ZYX: variants seen among roughly 807,000 people sequenced by gnomAD.
ZYX encodes the protein zyxin.
In ZYX, 37 loss-of-function variants were observed where a neutral mutation model predicts 58.1. The observed-to-expected ratio is 0.64, with a 90% CI of 0.49 to 0.84. The LOEUF is 0.84. Ranked by LOEUF, ZYX falls within the 40% of genes least tolerant of loss-of-function variation. The pLI is 0.00. For synonymous variants in ZYX, 324 were observed against 321.1 expected (o/e 1.01, Z -0.10); for missense variants, 762 against 761.6 (o/e 1.00, Z -0.01).
intron 5 of ZYX, among the ~76,000 whole-genome samples, chr7:143,386,746 T>C (rs6464548): frequency 0.75 from 113,244 of 151,912 alleles, 43,309 homozygotes; most frequent in East Asian, 0.96. Flanking sequence ...TCTGGGTTCA[T>C]GTAGTAGGTG....
At chr7:143,383,356 A>G in intron 5 of ZYX, 34 bp downstream of exon 5, 4 of 1,558,180 alleles carry the variant, frequency 2.6e-6, no homozygotes, top group Non-Finnish European at 3.5e-6. Context: ...GCTTGGTACC[A>G]GGGCACTGGG....
chr7:143,387,879 C>T lies in ZYX; in HGVS notation c.1024-340C>T. 1 of 497,468 alleles carries T rather than the reference C, an allele frequency of 2.0e-6. No homozygotes were observed. The highest frequency in any genetic ancestry group is 4.0e-6 in the Non-Finnish European group (1 of 249,338). 30.8% of individuals were successfully genotyped at this position (497,468 alleles called of 1,614,324 possible). On this transcript the variant is annotated intron_variant, in intron 5 of 9. Transcript: ENST00000322764. The surrounding 1 kb of genome is among the most constrained non-coding windows in gnomAD (Gnocchi z 5.8). ...ATGCTCTGTGGAGTTGATGCGTGGC[C>T]CTGGAGTGTCCGGTGCTTCAGTGAC... is the stretch of plus-strand genomic sequence containing the variant.
intron 2 of ZYX, 75 bp from the exon 3 acceptor site, chr7:143,382,173 A>C: frequency 7.2e-6 from 9 of 1,258,426 alleles, no homozygotes; most frequent in Non-Finnish European, 9.0e-6. Flanking sequence ...GTTAGGGGTT[A>C]GAGCGGTTAA....
rs1563111651 is a variant in ZYX, at chr7:143,389,902, T to G, written c.1539T>G (p.Pro513=). 1 of 1,614,200 alleles carries G rather than the reference T, an allele frequency of 6.2e-7. No individual in the cohort carries two copies. Among genetic ancestry groups the G allele is most frequent in the African/African-American group, 1.3e-5 (1 of 75,068 alleles). Residue 513 remains proline, a synonymous_variant, in exon 9 of 10, where the codon CCT becomes CCG. Coordinates refer to ENST00000322764, the MANE Select transcript of ZYX (RefSeq NM_003461.5). This position sits in a 1 kb window ranked among gnomAD's most constrained non-coding sequence, Gnocchi z 5.6. ...CCGTCTGCTCTGAGCCCATCATGCC[T>G]GAGCCTGGCCGAGATGAGACTGTGC... ...RCSVCSEPIM[P]EPGRDETVRV... is the part of the protein sequence containing the mutation.
In ZYX at chr7:143,390,650, C is replaced by T. The variant is rs771090391; in HGVS notation, c.1687C>T (p.Arg563Trp). The T allele has an allele frequency of 2.5e-5, 39 of 1,587,300 alleles. No individual in the cohort carries two copies. Among genetic ancestry groups the T allele is most frequent in the Non-Finnish European group, 3.1e-5 (36 of 1,166,862 alleles). Residue 563 changes from arginine (R) to tryptophan (W), a missense_variant, in exon 10 of 10, where the codon CGG becomes TGG. Arg to Trp is a moderately radical substitution (Grantham distance 101). Coordinates refer to ENST00000322764, the MANE Select transcript of ZYX (RefSeq NM_003461.5). This position sits in a 1 kb window ranked among gnomAD's most constrained non-coding sequence, Gnocchi z 4.3. ...CCCCCTGGACGGTCACGTGCTCTGT[C>T]GGAAGTGCCACACTGCTAGAGCCCA... ...CFPLDGHVLCRKCHTARAQT is the reference protein window; with the variant it reads ...CFPLDGHVLCWKCHTARAQT
In ZYX at chr7:143,390,648, GT is replaced by G; in HGVS notation, c.1686del (p.Arg563GlyfsTer12). On this transcript the variant is annotated frameshift_variant, in exon 10 of 10. Coordinates refer to ENST00000322764, the MANE Select transcript of ZYX (RefSeq NM_003461.5). LOFTEE classifies it high-confidence loss of function. The surrounding 1 kb of genome is among the most constrained non-coding windows in gnomAD (Gnocchi z 4.3). ...GCFPLDGHVLCRKCHTARAQT is the reference protein window; with the variant it reads ...GCFPLDGHVLXRKCHTARAQT ...TTCCCCCTGGACGGTCACGTGCTCT[GT>G]CGGAAGTGCCACACTGCTAGAGCCC... 1 of 1,587,858 alleles carries G rather than the reference GT, an allele frequency of 6.3e-7. No homozygotes were observed. Among genetic ancestry groups the G allele is most frequent in the East Asian group, 2.3e-5 (1 of 43,972 alleles).
rs140225548 is a variant in ZYX, at chr7:143,383,265, G to T, written c.966G>T (p.Lys322Asn). Residue 322 changes from lysine to asparagine, a missense_variant, in exon 5 of 10, where the codon AAG (lysine) becomes AAT (asparagine). Coordinates refer to ENST00000322764, the MANE Select transcript of ZYX (RefSeq NM_003461.5). ...PSFTYAQQREKPRVQEKQHPV... is the reference protein window; with the variant it reads ...PSFTYAQQRENPRVQEKQHPV... ...TCACCTATGCCCAGCAGAGGGAGAA[G>T]CCCCGAGTGCAGGAGAAGCAGCACC... The T allele has an allele frequency of 5.2e-4, 841 of 1,613,760 alleles. 5 individuals carry two copies. In the African/African-American group the frequency reaches 9.4e-3, roughly 18 times the overall value.
In ZYX at chr7:143,382,438, C is replaced by T. The variant is rs779629406; in HGVS notation, c.399C>T (p.Pro133=). The T allele has an allele frequency of 3.2e-5, 51 of 1,593,224 alleles. No homozygotes were observed. The highest frequency in any genetic ancestry group is 3.8e-5 in the Non-Finnish European group (45 of 1,170,988). The change falls in exon 3 of 10, where the codon CCC becomes CCT. Residue 133 remains proline, a synonymous_variant. Coordinates refer to ENST00000322764, the MANE Select transcript of ZYX (RefSeq NM_003461.5). The part of the protein sequence containing the change: ...EEGGPEAPIP[P]PPQPREKVSS... Reference sequence around the variant, plus strand: ...GAGGGCCTGAGGCCCCCATACCGCCCCCACCACAGGTACGGAGGCCTGGGA... The same window carrying T: ...GAGGGCCTGAGGCCCCCATACCGCCTCCACCACAGGTACGGAGGCCTGGGA...
rs536417193 is a variant in ZYX at position 143,384,105 on chromosome 7, C to G, written c.1023+783C>G. 6.7e-6 allele frequency: 3 copies of G among 448,444 alleles called. No individual in the cohort carries two copies. The highest frequency in any genetic ancestry group is 5.3e-5 in the Admixed American group (2 of 38,050). 27.8% of individuals were successfully genotyped at this position (448,444 alleles called of 1,614,324 possible). A position where few individuals can be genotyped will look rare whatever the true frequency, so the allele number is the denominator to read the frequency against. ...TGCCTTCTAGTTCAGGAAATAAGAT[C>G]GTCCAATTTCTGGTGACGAAGATGA... On this transcript the variant is annotated intron_variant, in intron 5 of 9. Coordinates refer to ENST00000322764, the MANE Select transcript of ZYX (RefSeq NM_003461.5). The surrounding 1 kb of genome is among the most constrained non-coding windows in gnomAD (Gnocchi z 4.9).
chr7:143,390,099 G>GCCACCAT lies in ZYX; in HGVS notation c.1614+122_1614+123insCCACCAT. On this transcript the variant is annotated intron_variant, in intron 9 of 9. Coordinates refer to ENST00000322764, the MANE Select transcript of ZYX (RefSeq NM_003461.5). The surrounding 1 kb of genome is among the most constrained non-coding windows in gnomAD (Gnocchi z 4.3). ...GAAACAGGGCTGTGATTTTGAGGGT[G>GCCACCAT]GCTCATGGTGGCACCCCATCTGTCC... is the stretch of plus-strand genomic sequence containing the variant. 3 of 1,385,032 alleles carry GCCACCAT rather than the reference G, an allele frequency of 2.2e-6. No homozygotes were observed. Among genetic ancestry groups the GCCACCAT allele is most frequent in the Non-Finnish European group, 3.0e-6 (3 of 1,006,344 alleles). 85.8% of individuals were successfully genotyped at this position (1,385,032 alleles called of 1,614,324 possible).
In ZYX at chr7:143,382,351, TC is replaced by T. The variant is rs1804651796; in HGVS notation, c.317del (p.Pro106LeufsTer36). 1.9e-6 allele frequency: 3 copies of T among 1,602,980 alleles called. No individual in the cohort carries two copies. The highest frequency in any genetic ancestry group is 8.5e-7 in the Non-Finnish European group (1 of 1,173,652). The part of the protein sequence containing the change: ...PPPPPIEESF[P>X]PAPLEEEIFP... ...CCCCTCCCCCGATCGAGGAATCATT[TC>T]CCCCTGCGCCTCTGGAGGAGGAGAT... On this transcript the variant is annotated frameshift_variant, in exon 3 of 10. Transcript: ENST00000322764. LOFTEE classifies it high-confidence loss of function.
chr7:143,384,727 A>T lies in ZYX; in HGVS notation c.1023+1405A>T, dbSNP rs184511489. Reference sequence around the variant, plus strand: ...AGCAAGGGATGAGCAATTGGAAGACAAGGGTGAGGGGAAGAGGGAAAAAAA... The same window carrying T: ...AGCAAGGGATGAGCAATTGGAAGACTAGGGTGAGGGGAAGAGGGAAAAAAA... On this transcript the variant is annotated intron_variant, in intron 5 of 9. Transcript: ENST00000322764. This position sits in a 1 kb window ranked among gnomAD's most constrained non-coding sequence, Gnocchi z 4.9. Among the ~76,000 whole-genome samples the T allele has an allele frequency of 5.0e-3, 754 of 152,210 alleles. 7 individuals carry two copies. The highest frequency in any genetic ancestry group is 0.017 in the African/African-American group (712 of 41,522).
At position 143,388,047 on chromosome 7, in the gene ZYX, G is replaced by A. The variant is rs1804930110; in HGVS notation, c.1024-172G>A. 9.9e-6 allele frequency: 7 copies of A among 709,480 alleles called. No individual in the cohort carries two copies. The highest frequency in any genetic ancestry group is 2.6e-5 in the Admixed American group (1 of 38,558). The allele number at this position is 709,480 out of a possible 1,614,324, so 43.9% of individuals were successfully genotyped here. A position where few individuals can be genotyped will look rare whatever the true frequency, so the allele number is the denominator to read the frequency against. ...TCCCTTCCCCTGTTATTTGTGTGGT[G>A]CTGGGGATGGCGGGGGTAGGGGGAC... On this transcript the variant is annotated intron_variant, in intron 5 of 9. Coordinates refer to ENST00000322764, the MANE Select transcript of ZYX (RefSeq NM_003461.5). The surrounding 1 kb of genome is among the most constrained non-coding windows in gnomAD (Gnocchi z 7.5).
At position 143,388,658 on chromosome 7, in the gene ZYX, T is replaced by C; in HGVS notation, c.1314T>C (p.Thr438=). 6.2e-7 allele frequency: 1 copy of C among 1,611,132 alleles called. No individual in the cohort carries two copies. Among genetic ancestry groups the C allele is most frequent in the Non-Finnish European group, 8.5e-7 (1 of 1,178,552 alleles). Residue 438 remains threonine (T), a splice_region_variant and synonymous_variant, in exon 7 of 10, where the codon ACT becomes ACC. Coordinates refer to ENST00000322764, the MANE Select transcript of ZYX (RefSeq NM_003461.5). This position sits in a 1 kb window ranked among gnomAD's most constrained non-coding sequence, Gnocchi z 7.5. ...CGCCGTACTGCGAGGGCTGTTACAC[T>C]GTGAGTCGGGCTGTGCTGGGCTGTG... ...EGAPYCEGCY[T]DTLEKCNTCG...
In ZYX at chr7:143,383,009, A is replaced by G. The variant is rs758810416; in HGVS notation, c.710A>G (p.His237Arg). The G allele has an allele frequency of 6.8e-6, 11 of 1,613,814 alleles. No homozygotes were observed. In the South Asian group the frequency reaches 8.8e-5, roughly 13 times the overall value. The change falls in exon 5 of 10, where the codon CAT (histidine) becomes CGT (arginine). Residue 237 changes from histidine to arginine, a missense_variant. His to Arg is a conservative substitution (Grantham distance 29). Coordinates refer to ENST00000322764, the MANE Select transcript of ZYX (RefSeq NM_003461.5). Reference sequence around the variant, plus strand: ...CAGCCCAAGCCTCAGGTCCAACTCCATGTCCAGTCCCAGACCCAGCCTGTG... The same window carrying G: ...CAGCCCAAGCCTCAGGTCCAACTCCGTGTCCAGTCCCAGACCCAGCCTGTG... ...QPQPKPQVQL[H>R]VQSQTQPVSL...
At position 143,388,125 on chromosome 7, in the gene ZYX, C is replaced by A; in HGVS notation, c.1024-94C>A. The A allele has an allele frequency of 6.9e-7, 1 of 1,453,446 alleles. No individual in the cohort carries two copies. Among genetic ancestry groups the A allele is most frequent in the Non-Finnish European group, 9.2e-7 (1 of 1,081,628 alleles). 90.0% of individuals were successfully genotyped at this position (1,453,446 alleles called of 1,614,324 possible). On this transcript the variant is annotated intron_variant, in intron 5 of 9. Transcript: ENST00000322764. The surrounding 1 kb of genome is among the most constrained non-coding windows in gnomAD (Gnocchi z 7.5). ...GAGCATCTGGGACACGAGCTGGGAG[C>A]TAAGCCTCATCGGAAGAAGCCGGGT...
intron 5 of ZYX, among the ~76,000 whole-genome samples, chr7:143,385,316 G>GGT (rs140391814): frequency 2.0e-4 from 31 of 151,624 alleles, no homozygotes; most frequent in Middle Eastern, 3.4e-3. Context: ...GTGTGTCAGT[G>GGT]GTGTGTGTGT....
Position 143,382,992 on chromosome 7 carries a change from G to A in ZYX, c.693G>A (p.Lys231=). 1.9e-6 allele frequency: 3 copies of A among 1,613,634 alleles called. No homozygotes were observed. Among genetic ancestry groups the A allele is most frequent in the Non-Finnish European group, 2.5e-6 (3 of 1,179,718 alleles). ...QFHVQPQPQP[K]PQVQLHVQSQ... is the part of the protein sequence containing the mutation. ...ATGTTCAGCCCCAGCCCCAGCCCAA[G>A]CCTCAGGTCCAACTCCATGTCCAGT... Residue 231 remains lysine, a synonymous_variant, in exon 5 of 10, where the codon AAG becomes AAA. Transcript: ENST00000322764.
Position 143,384,388 on chromosome 7 carries a change from T to C in ZYX, c.1023+1066T>C, listed in dbSNP as rs561256472. On this transcript the variant is annotated intron_variant, in intron 5 of 9. Coordinates refer to ENST00000322764, the MANE Select transcript of ZYX (RefSeq NM_003461.5). The surrounding 1 kb of genome is among the most constrained non-coding windows in gnomAD (Gnocchi z 4.9). Reference sequence around the variant, plus strand: ...GTGGAAGGTTCCTGTAGGAAAATGATAGAGCTATACTTGGAGAGGCAAGCG... The same window carrying C: ...GTGGAAGGTTCCTGTAGGAAAATGACAGAGCTATACTTGGAGAGGCAAGCG... 3.9e-5 allele frequency: 16 copies of C among 410,208 alleles called. No individual in the cohort carries two copies. In the East Asian group the frequency reaches 8.6e-4, roughly 22 times the overall value. The allele number at this position is 410,208 out of a possible 1,614,324, so 25.4% of individuals were successfully genotyped here.
Sources: allele counts gnomAD v4.1 joint callset (sites outside exome capture counted in the v4.1 genomes callset), GRCh38; gene constraint gnomAD v4.1.1; non-coding constraint Gnocchi (gnomAD v3.1); transcripts MANE v1.5; gene names NCBI Gene and HGNC (gene_info 2026-07-23, HGNC 2026-07-21).